XKR4: variants seen among roughly 807,000 people sequenced by gnomAD.
XKR4 encodes the protein XK-related protein 4.
In XKR4, 12 loss-of-function variants were observed where a neutral mutation model predicts 53.9. The observed-to-expected ratio is 0.22, with a 90% confidence interval of 0.14 to 0.36. The LOEUF is 0.36. XKR4 is among the 10% of genes least tolerant of loss of function. The pLI is 1.00. For missense variants in XKR4, 799 were observed against 859.5 expected, an observed-to-expected ratio of 0.93 and a Z score of 0.88; for synonymous variants, 354 against 362.4, an observed-to-expected ratio of 0.98 and a Z score of 0.26.
intron 1 of XKR4, among the ~76,000 whole-genome samples, chr8:55,276,505 A>G (rs944333024): frequency 2.0e-5 from 3 of 152,234 alleles, no homozygotes; most frequent in Admixed American, 6.5e-5. Context: ...TACATTTTTG[A>G]GAAGGTAGCT....
At chr8:55,354,891 T>A (rs1324411389) in intron 1 of XKR4, among the ~76,000 whole-genome samples, 1 of 150,860 alleles carries the variant, frequency 6.6e-6, no homozygotes, top group African/African-American at 2.5e-5. Context: ...TGGATAGGAC[T>A]CATCAGTATA....
intron 2 of XKR4, among the ~76,000 whole-genome samples, chr8:55,480,227 G>C (rs907559135): frequency 1.3e-5 from 2 of 152,092 alleles, no homozygotes; most frequent in African/African-American, 2.4e-5. Flanking sequence ...TTCATCCCTG[G>C]GATGCAAGGC....
intron 1 of XKR4, among the ~76,000 whole-genome samples, chr8:55,317,327 G>T (rs1323087534): frequency 6.6e-6 from 1 of 152,012 alleles, no homozygotes; most frequent in Non-Finnish European, 1.5e-5. Flanking sequence ...TTGATCACAG[G>T]TAAACAAATA....
chr8:55,245,844 C>T (rs964877406), intron 1 of XKR4, among the ~76,000 whole-genome samples: 2 of 152,174 alleles, frequency 1.3e-5, no homozygotes, highest in Admixed American at 6.5e-5. Flanking sequence ...CTGGTAATCC[C>T]ACCACTTTAG....
intron 2 of XKR4, among the ~76,000 whole-genome samples, chr8:55,522,154 G>A (rs916210276): frequency 2.0e-5 from 3 of 152,208 alleles, no homozygotes; most frequent in African/African-American, 7.2e-5. Flanking sequence ...GGACGATAGA[G>A]ATGAACTGTG....
intron 1 of XKR4, among the ~76,000 whole-genome samples, chr8:55,127,322 G>A (rs9772654): frequency 0.53 from 79,609 of 150,170 alleles, 22,532 homozygotes; most frequent in South Asian, 0.72. Context: ...GCATGATCTC[G>A]GCTCACTGCA....
chr8:55,301,345 A>G lies in XKR4; in HGVS notation c.807-56333A>G, dbSNP rs1435774761. On this transcript the variant is annotated intron_variant, in intron 1 of 2. Coordinates refer to ENST00000327381, the MANE Select transcript of XKR4 (RefSeq NM_052898.2). The stretch of plus-strand genomic sequence containing the variant: ...TGAACTCTTCATTTTTTATGGCTGC[A>G]TAGTATTCCCTGGTGTATATGTGCC... Among the ~76,000 whole-genome samples the G allele has an allele frequency of 5.3e-5, 8 of 152,024 alleles. No homozygotes were observed. In the East Asian group the frequency reaches 1.6e-3, roughly 29 times the overall value.
intron 2 of XKR4, among the ~76,000 whole-genome samples, chr8:55,402,694 C>A (rs1804619082): frequency 6.6e-6 from 1 of 152,196 alleles, no homozygotes; most frequent in Admixed American, 6.5e-5. Flanking sequence ...AAACTGTGGG[C>A]ACTTCCTTCC....
At chr8:55,174,113 A>C (rs779852223) in intron 1 of XKR4, among the ~76,000 whole-genome samples, 1 of 152,178 alleles carries the variant, frequency 6.6e-6, no homozygotes, top group Non-Finnish European at 1.5e-5. Context: ...AGTTCGGTGC[A>C]GATAATACAA....
At position 55,537,425 on chromosome 8, in the gene XKR4, A is replaced by G. The variant is rs1325901304; in HGVS notation, c.*13198A>G. ...CTCAAATTTTGTGCTTGCCTCATTT[A>G]TGGTCCTGAAGCTTAGCAGAAAAAC... On this transcript the variant is annotated 3_prime_UTR_variant, in exon 3 of 3. Transcript: ENST00000327381. The G allele has an allele frequency of 6.6e-6, 1 of 152,172 alleles. No individual in the cohort carries two copies. Among genetic ancestry groups the G allele is most frequent in the Non-Finnish European group, 1.5e-5 (1 of 68,036 alleles). 9.4% of individuals were successfully genotyped at this position (152,172 alleles called of 1,614,324 possible). A position where few individuals can be genotyped will look rare whatever the true frequency, so the allele number is the denominator to read the frequency against.
intron 1 of XKR4, among the ~76,000 whole-genome samples, chr8:55,150,283 C>G (rs73596978): frequency 0.068 from 10,370 of 152,132 alleles, 627 homozygotes; most frequent in African/African-American, 0.17. Context: ...TGTTTTGGTT[C>G]AGTTTACATT....
chr8:55,113,689 G>A (rs1270868049), intron 1 of XKR4, among the ~76,000 whole-genome samples: 4 of 152,270 alleles, frequency 2.6e-5, no homozygotes, highest in African/African-American at 7.2e-5. Flanking sequence ...AGTGAACATT[G>A]TACCCAATAG....
At chr8:55,329,985 A>C (rs906346609) in intron 1 of XKR4, among the ~76,000 whole-genome samples, 5 of 152,330 alleles carry the variant, frequency 3.3e-5, no homozygotes, top group African/African-American at 7.2e-5. Flanking sequence ...ACTAATTCTC[A>C]GGGTTAATTC....
At chr8:55,496,776 C>A (rs1806357849) in intron 2 of XKR4, among the ~76,000 whole-genome samples, 2 of 152,174 alleles carry the variant, frequency 1.3e-5, no homozygotes, top group African/African-American at 4.8e-5. Context: ...TTGAGGTGAG[C>A]AATTCATTTT....
chr8:55,445,535 A>G (rs554635057), intron 2 of XKR4, among the ~76,000 whole-genome samples: 2 of 152,262 alleles, frequency 1.3e-5, no homozygotes, highest in East Asian at 1.9e-4. Context: ...TTTTCTCCCT[A>G]AGAGAAAAGG....
intron 1 of XKR4, among the ~76,000 whole-genome samples, chr8:55,154,536 T>A (rs928967545): frequency 3.9e-5 from 6 of 152,196 alleles, no homozygotes; most frequent in Non-Finnish European, 8.8e-5. Context: ...GTTATTAGAT[T>A]CCACCAAACC....
chr8:55,502,145 A>G (rs1386784344), intron 2 of XKR4, among the ~76,000 whole-genome samples: 1 of 152,206 alleles, frequency 6.6e-6, no homozygotes. Context: ...AATCTTTTCA[A>G]TTTGAAAAAT....
intron 1 of XKR4, among the ~76,000 whole-genome samples, chr8:55,217,790 A>G (rs1216471648): frequency 1.4e-5 from 2 of 147,468 alleles, no homozygotes; most frequent in Non-Finnish European, 3.1e-5. Flanking sequence ...AGATAGATAC[A>G]CACAGATAAA....
intron 2 of XKR4, among the ~76,000 whole-genome samples, chr8:55,477,427 A>G (rs1806011513): frequency 6.6e-6 from 1 of 152,144 alleles, no homozygotes; most frequent in African/African-American, 2.4e-5. Context: ...AACAAAGACC[A>G]AAAGTAGATA....
Sources: gnomAD v4.1 joint callset for allele counts (sites outside exome capture counted in the v4.1 genomes callset) on GRCh38, gnomAD v4.1.1 for gene constraint, MANE v1.5 for transcripts, NCBI Gene and HGNC (gene_info 2026-07-23, HGNC 2026-07-21) for gene names.